TRPC7: variants seen among roughly 807,000 people sequenced by gnomAD.
TRPC7 encodes short transient receptor potential channel 7.
In TRPC7, 42 loss-of-function variants were observed where a neutral mutation model predicts 90.1. That is an observed-to-expected ratio of 0.47 (90% CI 0.36 to 0.60). The LOEUF (loss-of-function observed/expected upper bound fraction) is 0.60. Ranked by LOEUF, TRPC7 falls within the 20% of genes least tolerant of loss-of-function variation. The pLI is 0.00. For synonymous variants in TRPC7, 451 were observed against 436.3 expected (o/e 1.03, Z -0.42); for missense variants, 955 against 1,112.3 (o/e 0.86, Z 2.01).
intron 2 of TRPC7, among the ~76,000 whole-genome samples, chr5:136,330,178 G>T (rs563832687): frequency 6.6e-6 from 1 of 152,336 alleles, no homozygotes; most frequent in Admixed American, 6.5e-5. Flanking sequence ...CCACATGGGG[G>T]TGGCCAAAGC....
intron 3 of TRPC7, among the ~76,000 whole-genome samples, chr5:136,301,370 T>C (rs1479188468): frequency 7.8e-6 from 1 of 128,104 alleles, no homozygotes; most frequent in African/African-American, 3.1e-5. Context: ...TAACAAATCA[T>C]AGTTGTCAGG....
At position 136,315,617 on chromosome 5, in the gene TRPC7, T is replaced by C. The variant is rs1341971168; in HGVS notation, c.943A>G (p.Ile315Val). The C allele has an allele frequency of 5.0e-6, 8 of 1,613,646 alleles. No homozygotes were observed. The highest frequency in any genetic ancestry group is 2.7e-5 in the African/African-American group (2 of 74,890). The change falls in exon 3 of 12, where the codon ATT (isoleucine) becomes GTT (valine). Residue 315 changes from isoleucine (I) to valine (V), a missense_variant. Physicochemically the swap from Ile to Val is conservative, Grantham distance 29. This residue lies in a region of TRPC7 where 484 missense variants were observed against 509.6 expected (regional missense o/e 0.95). Coordinates refer to ENST00000513104, the MANE Select transcript of TRPC7 (RefSeq NM_020389.3). ...RPSLSRIKLA[I>V]KYEVKKFVAH... ...CTTACCTTCTTGACTTCATATTTAA[T>C]GGCGAGTTTGATCCGGCTCAGACTT...
At chr5:136,271,172 G>A (rs541350946) in intron 4 of TRPC7, among the ~76,000 whole-genome samples, 15 of 152,242 alleles carry the variant, frequency 9.9e-5, no homozygotes, top group Non-Finnish European at 1.5e-4. Flanking sequence ...ATATTTCTCC[G>A]AGCAAGGGTT....
At position 136,240,366 on chromosome 5, in the gene TRPC7, T is replaced by C. The variant is rs766420305; in HGVS notation, c.1844+7105A>G. 1.6e-3 allele frequency among the ~76,000 whole-genome samples: 239 copies of C among 152,192 alleles called. 5 individuals are homozygous for C. The highest frequency in any genetic ancestry group is 9.8e-4 in the Admixed American group (15 of 15,282). On this transcript the variant is annotated intron_variant, in intron 7 of 11. Coordinates refer to ENST00000513104, the MANE Select transcript of TRPC7 (RefSeq NM_020389.3). The stretch of plus-strand genomic sequence containing the variant: ...CCCCTGCAAAATCCCCACTGATCCA[T>C]GAGTTTCCTAGGAACAGAATTGTCT...
At chr5:136,301,318 C>G (rs1306706832) in intron 3 of TRPC7, among the ~76,000 whole-genome samples, 1 of 148,514 alleles carries the variant, frequency 6.7e-6, no homozygotes, top group Admixed American at 6.7e-5. Context: ...TGAGCCACTG[C>G]ACCCAGCCCA....
At chr5:136,334,364 T>A (rs980945671) in intron 2 of TRPC7, among the ~76,000 whole-genome samples, 1 of 152,220 alleles carries the variant, frequency 6.6e-6, no homozygotes, top group Non-Finnish European at 1.5e-5. Flanking sequence ...AATGGCGAAG[T>A]AGCAATTAAA....
intron 2 of TRPC7, among the ~76,000 whole-genome samples, chr5:136,324,824 A>T (rs781494854): frequency 6.6e-6 from 1 of 152,254 alleles, no homozygotes. Context: ...TCTCAGAGAG[A>T]TGTTGTAGAG....
At position 136,302,194 on chromosome 5, in the gene TRPC7, A is replaced by T. The variant is rs376220768; in HGVS notation, c.963+13403T>A. On this transcript the variant is annotated intron_variant, in intron 3 of 11. Coordinates refer to ENST00000513104, the MANE Select transcript of TRPC7 (RefSeq NM_020389.3). ...GAAGGCAGCCTTCCCTTGGTGTTTA[A>T]TCATTGCAGGGACACCTCTCTGATT... is the stretch of plus-strand genomic sequence containing the variant. Among the ~76,000 whole-genome samples the T allele has an allele frequency of 1.6e-3, 248 of 152,328 alleles. 1 individual carries two copies. Among genetic ancestry groups the T allele is most frequent in the African/African-American group, 5.7e-3 (239 of 41,578 alleles).
chr5:136,265,566 C>T lies in TRPC7; in HGVS notation c.1345+654G>A, dbSNP rs141653373. On this transcript the variant is annotated intron_variant, in intron 5 of 11. Transcript: ENST00000513104. ...TAGTCACTGCCAGTTTTATTTTGTT[C>T]TGATTATTCCTTCTAGTAATGGTTC... is the stretch of plus-strand genomic sequence containing the variant. 6.2e-3 allele frequency among the ~76,000 whole-genome samples: 937 copies of T among 152,046 alleles called. 9 individuals are homozygous for T. Among genetic ancestry groups the T allele is most frequent in the African/African-American group, 0.021 (857 of 41,468 alleles).
At chr5:136,285,672 C>T (rs1463635461) in intron 3 of TRPC7, among the ~76,000 whole-genome samples, 1 of 152,094 alleles carries the variant, frequency 6.6e-6, no homozygotes, top group Admixed American at 6.6e-5. Context: ...GAAGGGAAGC[C>T]CAGTGGCCTG....
intron 3 of TRPC7, among the ~76,000 whole-genome samples, chr5:136,315,077 C>T (rs538025037): frequency 2.4e-4 from 36 of 152,284 alleles, no homozygotes; most frequent in Non-Finnish European, 5.1e-4. Context: ...TCTACTTGAG[C>T]TTCCTTAGGG....
intron 7 of TRPC7, among the ~76,000 whole-genome samples, chr5:136,238,157 C>A (rs1009379490): frequency 3.9e-5 from 6 of 152,342 alleles, no homozygotes; most frequent in Admixed American, 6.5e-5. Flanking sequence ...CTCCACGAGA[C>A]CTTCTTTGAC....
intron 3 of TRPC7, among the ~76,000 whole-genome samples, chr5:136,309,889 C>A (rs964490848): frequency 1.3e-5 from 2 of 152,222 alleles, no homozygotes; most frequent in Admixed American, 1.3e-4. Context: ...TCCATCTTCA[C>A]CCCTCCTGTT....
At position 136,356,988 on chromosome 5, in the gene TRPC7, C is replaced by T. The variant is rs781686269; in HGVS notation, c.400G>A (p.Gly134Ser). The part of the protein sequence containing the change: ...AILNHPAFAQ[G>S]QRLTLSPLEQ... The stretch of plus-strand genomic sequence containing the variant: ...AGCGGGCTGAGCGTCAGGCGCTGGC[C>T]CTGCGCGAAGGCCGGGTGGTTGAGG... Residue 134 changes from glycine to serine, a missense_variant, in exon 2 of 12, where the codon GGC (glycine) becomes AGC (serine). By Grantham distance (56) the Gly-to-Ser change is moderately conservative (BLOSUM62 0). This residue lies in a region of TRPC7 where 484 missense variants were observed against 509.6 expected (regional missense o/e 0.95). Transcript: ENST00000513104. 5 of 1,612,452 alleles carry T rather than the reference C, an allele frequency of 3.1e-6. No individual in the cohort carries two copies. The South Asian group carries it at 5.5e-5, about 18-fold the overall frequency.
chr5:136,235,685 T>A (rs1755959518), intron 7 of TRPC7, among the ~76,000 whole-genome samples: 1 of 152,216 alleles, frequency 6.6e-6, no homozygotes, highest in South Asian at 2.1e-4. Flanking sequence ...GGAATTAGGC[T>A]AGTTACTATT....
intron 3 of TRPC7, among the ~76,000 whole-genome samples, chr5:136,313,963 G>C (rs1450253242): frequency 6.6e-6 from 1 of 152,194 alleles, no homozygotes; most frequent in Non-Finnish European, 1.5e-5. Flanking sequence ...TTATCAGGTG[G>C]GGGCCAGACT....
At chr5:136,347,051 G>A (rs373401363) in intron 2 of TRPC7, among the ~76,000 whole-genome samples, 15 of 152,276 alleles carry the variant, frequency 9.9e-5, no homozygotes, top group African/African-American at 3.6e-4. Context: ...GACTGGAGTG[G>A]TGCGTTGACA....
chr5:136,253,711 C>T (rs1561689155), intron 5 of TRPC7, among the ~76,000 whole-genome samples: 1 of 152,138 alleles, frequency 6.6e-6, no homozygotes, highest in South Asian at 2.1e-4. Flanking sequence ...CCTCCTATTC[C>T]CAGTATTTCA....
intron 7 of TRPC7, among the ~76,000 whole-genome samples, chr5:136,243,665 T>C (rs915907694): frequency 1.3e-5 from 2 of 151,182 alleles, no homozygotes; most frequent in East Asian, 3.9e-4. Flanking sequence ...TATTCTCACA[T>C]GGCTTTTTTT....
Sources: allele counts gnomAD v4.1 joint callset (sites outside exome capture counted in the v4.1 genomes callset), GRCh38; gene constraint gnomAD v4.1.1; regional missense constraint gnomAD v4.1.1; transcripts MANE v1.5; gene names NCBI Gene and HGNC (gene_info 2026-07-23, HGNC 2026-07-21).